ZNF350: variants seen among roughly 807,000 people sequenced by gnomAD.
The protein encoded by ZNF350 is zinc finger protein 350, also known as KRAB zinc finger protein ZFQR.
A neutral mutation model predicts 13.1 loss-of-function variants in ZNF350; 5 were observed. The ratio of observed to expected loss-of-function variants is 0.38; its 90% CI spans 0.20 to 0.80. ZNF350 has a LOEUF of 0.80. ZNF350 is among the 30% of genes least tolerant of loss of function. The pLI is 0.43. For missense variants in ZNF350, 534 were observed against 644.2 expected, an observed-to-expected ratio of 0.83 and a Z score of 1.85; for synonymous variants, 199 against 224.2, an observed-to-expected ratio of 0.89 and a Z score of 1.00.
chr19:51,980,050 C>G (rs1188782011), intron 1 of ZNF350, among the ~76,000 whole-genome samples: 1 of 152,188 alleles, frequency 6.6e-6, no homozygotes, highest in African/African-American at 2.4e-5. Context: ...GCAACACAGT[C>G]TTAATGTTGC....
intron 2 of ZNF350, among the ~76,000 whole-genome samples, chr19:51,971,698 A>G (rs892490472): frequency 1.1e-4 from 17 of 152,188 alleles, no homozygotes; most frequent in Admixed American, 2.0e-4. Flanking sequence ...TAATAAATGC[A>G]GAGGGCTGTG....
At chr19:51,981,182 A>G (rs1007690221) in intron 1 of ZNF350, 1 of 152,086 alleles carries the variant, frequency 6.6e-6, no homozygotes, top group Non-Finnish European at 1.5e-5. Flanking sequence ...CCTGGCACCG[A>G]GGTTATCTAC....
At chr19:51,971,874 C>G (rs2085748236) in intron 2 of ZNF350, among the ~76,000 whole-genome samples, 1 of 151,830 alleles carries the variant, frequency 6.6e-6, no homozygotes, top group African/African-American at 2.4e-5. Flanking sequence ...GAATTGGGTG[C>G]TCTACACCCT....
intron 1 of ZNF350, among the ~76,000 whole-genome samples, chr19:51,975,085 G>A (rs986223720): frequency 5.9e-5 from 9 of 152,174 alleles, no homozygotes; most frequent in South Asian, 2.1e-4. Flanking sequence ...TAAAGTTGAC[G>A]TGCTCTAAGG....
At chr19:51,983,481 C>T (rs928291450) in intron 1 of ZNF350, among the ~76,000 whole-genome samples, 1 of 152,132 alleles carries the variant, frequency 6.6e-6, no homozygotes, top group African/African-American at 2.4e-5. Flanking sequence ...TGGAATGTCC[C>T]GGTATAAAAC....
intron 4 of ZNF350, among the ~76,000 whole-genome samples, chr19:51,966,775 G>A (rs1241782616): frequency 1.3e-5 from 2 of 151,826 alleles, no homozygotes; most frequent in African/African-American, 2.4e-5. Context: ...AGCCTCCCGA[G>A]TAGCTGGGAT....
chr19:51,965,626 C>T lies in ZNF350; in HGVS notation c.827G>A (p.Arg276Gln), dbSNP rs143609000. The T allele has an allele frequency of 4.2e-5, 68 of 1,614,074 alleles. No homozygotes were observed. In the African/African-American group the frequency reaches 7.1e-4, roughly 17 times the overall value. Residue 276 changes from arginine (R) to glutamine (Q), a missense_variant, in exon 5 of 5, where the codon CGG becomes CAG. By Grantham distance (43) the Arg-to-Gln change is conservative (BLOSUM62 1). Coordinates refer to ENST00000243644, the MANE Select transcript of ZNF350 (RefSeq NM_021632.4). ...ECGKAFLKKS[R>Q]LNIHQKTHTG... ...ATGTGTTTTCTGATGTATGTTGAGCCGTGATTTCTTGAGAAAGGCTTTGCC... is the reference window on the plus strand; with the variant it reads ...ATGTGTTTTCTGATGTATGTTGAGCTGTGATTTCTTGAGAAAGGCTTTGCC...
At chr19:51,968,905 C>A (rs2085653560) in intron 3 of ZNF350, 100 bp downstream of exon 3, 1 of 1,609,624 alleles carries the variant, frequency 6.2e-7, no homozygotes, top group South Asian at 1.1e-5. Context: ...TGAGAATCTA[C>A]CACTTCAGAG....
At chr19:51,980,369 G>C (rs2122949781) in intron 1 of ZNF350, among the ~76,000 whole-genome samples, 1 of 152,260 alleles carries the variant, frequency 6.6e-6, no homozygotes, top group African/African-American at 2.4e-5. Context: ...AGAGCCTTAG[G>C]CATAATTTTT....
rs2085896142 is a variant in ZNF350 at position 51,976,339 on chromosome 19, A to T, written c.-171-1808T>A. On this transcript the variant is annotated intron_variant, in intron 1 of 4. Coordinates refer to ENST00000243644, the MANE Select transcript of ZNF350 (RefSeq NM_021632.4). This position sits in a 1 kb window ranked among gnomAD's most constrained non-coding sequence, Gnocchi z 4.5. ...AAAGCGCCCCCGATCCCTTCTTCCA[A>T]ATACACTCTTTTGTCTCATCTTTAT... 6.6e-6 allele frequency: 1 copy of T among 152,126 alleles called. No individual in the cohort carries two copies. The highest frequency in any genetic ancestry group is 6.6e-5 in the Admixed American group (1 of 15,264). The allele number at this position is 152,126 out of a possible 1,614,324, so 9.4% of individuals were successfully genotyped here. A position where few individuals can be genotyped will look rare whatever the true frequency, so the allele number is the denominator to read the frequency against.
intron 1 of ZNF350, chr19:51,984,194 A>C (rs1240694780): frequency 6.6e-6 from 1 of 152,020 alleles, no homozygotes; most frequent in African/African-American, 2.4e-5. Flanking sequence ...TAAAAAAAAA[A>C]AAAAAAATCA....
At chr19:51,968,492 C>A in intron 4 of ZNF350, 86 bp downstream of exon 4, 1 of 1,179,606 alleles carries the variant, frequency 8.5e-7, no homozygotes, top group South Asian at 1.2e-5. Flanking sequence ...GTTTACATAT[C>A]CTCAAACCCC....
At position 51,965,151 on chromosome 19, in the gene ZNF350, C is replaced by A. The variant is rs749914328; in HGVS notation, c.1302G>T (p.Val434=). 14 of 1,614,084 alleles carry A rather than the reference C, an allele frequency of 8.7e-6. 1 individual carries two copies. In the South Asian group the frequency reaches 1.5e-4, roughly 18 times the overall value. ...TGTGCCTCTCTGCAGGAGGATTTTC[C>A]ACCTTGGCTGCCTCTTGTTTCTCCC... ...HTREKQEAAK[V]ENPPAERHSS... The change falls in exon 5 of 5, where the codon GTG becomes GTT. Residue 434 remains valine (V), a synonymous_variant. Transcript: ENST00000243644.
chr19:51,985,637 G>A (rs1426365757), intron 1 of ZNF350, among the ~76,000 whole-genome samples: 1 of 152,156 alleles, frequency 6.6e-6, no homozygotes, highest in Non-Finnish European at 1.5e-5. Context: ...CTTGCCACAG[G>A]GATGAATACT....
chr19:51,974,483 C>T lies in ZNF350; in HGVS notation c.-123G>A. On this transcript the variant is annotated 5_prime_UTR_variant, in exon 2 of 5. Transcript: ENST00000243644. ...CCCAAGAAATGGTGAACCCCAAATC[C>T]ACTTCCTCCCTCTTCAGGTTATGTT... 2 of 1,149,574 alleles carry T rather than the reference C, an allele frequency of 1.7e-6. No individual in the cohort carries two copies. Among genetic ancestry groups the T allele is most frequent in the Non-Finnish European group, 2.6e-6 (2 of 780,200 alleles). 71.2% of individuals were successfully genotyped at this position (1,149,574 alleles called of 1,614,324 possible). A position where few individuals can be genotyped will look rare whatever the true frequency, so the allele number is the denominator to read the frequency against.
At chr19:51,978,348 A>G (rs2085949716) in intron 1 of ZNF350, among the ~76,000 whole-genome samples, 1 of 152,206 alleles carries the variant, frequency 6.6e-6, no homozygotes, top group South Asian at 2.1e-4. Context: ...ACACAGGACT[A>G]ATTTTAGGTA....
chr19:51,968,481 T>C, intron 4 of ZNF350, 97 bp downstream of exon 4: 1 of 1,025,390 alleles, frequency 9.8e-7, no homozygotes, highest in Non-Finnish European at 1.5e-6. Context: ...GTAGAGGAAC[T>C]GTTTACATAT....
rs2085835315 is a variant in ZNF350, at chr19:51,974,611, T to A, written c.-171-80A>T. On this transcript the variant is annotated intron_variant, in intron 1 of 4. Transcript: ENST00000243644. The stretch of plus-strand genomic sequence containing the variant: ...TACTGTCACTGCTGCTAGGCACTCA[T>A]CTTAAAGCAATGCCCCCAATATAGT... 4 of 462,118 alleles carry A rather than the reference T, an allele frequency of 8.7e-6. No homozygotes were observed. In the South Asian group the frequency reaches 1.4e-4, roughly 16 times the overall value. The allele number at this position is 462,118 out of a possible 1,614,324, so 28.6% of individuals were successfully genotyped here.
chr19:51,968,798 G>C, intron 3 of ZNF350, 125 bp from the exon 4 acceptor site: 1 of 1,413,802 alleles, frequency 7.1e-7, no homozygotes, highest in South Asian at 1.3e-5. Context: ...TTTCTTATCT[G>C]AAACTATGAA....
Sources: allele counts gnomAD v4.1 joint callset (sites outside exome capture counted in the v4.1 genomes callset), GRCh38; gene constraint gnomAD v4.1.1; non-coding constraint Gnocchi (gnomAD v3.1); transcripts MANE v1.5; gene names NCBI Gene and HGNC (gene_info 2026-07-23, HGNC 2026-07-21).